Variants in ZFPM2 observed in about 807,000 individuals in gnomAD.
The protein encoded by ZFPM2 is zinc finger protein ZFPM2.
ZFPM2 carries 20 observed loss-of-function variants against 98.6 expected under a neutral mutation model. The ratio of observed to expected loss-of-function variants is 0.20; its 90% CI spans 0.14 to 0.29. The LOEUF is 0.29. ZFPM2 is among the 10% of genes least tolerant of loss of function. ZFPM2 has a pLI of 1.00. For missense variants in ZFPM2, 1,310 were observed against 1,388.6 expected, an observed-to-expected ratio of 0.94 and a Z score of 0.90; for synonymous variants, 518 against 502.7, an observed-to-expected ratio of 1.03 and a Z score of -0.41.
intron 1 of ZFPM2, among the ~76,000 whole-genome samples, chr8:105,365,866 C>T (rs1192725267): frequency 6.6e-6 from 1 of 152,120 alleles, no homozygotes; most frequent in Non-Finnish European, 1.5e-5. Context: ...TTCTAGGGAA[C>T]AACTTTATTT....
chr8:105,756,478 C>G (rs1245096987), intron 5 of ZFPM2, among the ~76,000 whole-genome samples: 1 of 152,148 alleles, frequency 6.6e-6, no homozygotes, highest in Non-Finnish European at 1.5e-5. Context: ...TCAAGGCTTT[C>G]AAGCATCCTG....
chr8:105,467,777 AAG>A (rs1265248464), intron 3 of ZFPM2, among the ~76,000 whole-genome samples: 1 of 151,958 alleles, frequency 6.6e-6, no homozygotes, highest in Non-Finnish European at 1.5e-5. Context: ...CATAATAAAA[AAG>A]AGTGTTCCTA....
intron 3 of ZFPM2, among the ~76,000 whole-genome samples, chr8:105,471,688 T>C (rs1328042046): frequency 1.3e-5 from 2 of 152,200 alleles, no homozygotes; most frequent in African/African-American, 4.8e-5. Context: ...TTACATCCTC[T>C]CCAAATCCAA....
chr8:105,705,689 A>G (rs1310613788), intron 5 of ZFPM2, among the ~76,000 whole-genome samples: 1 of 152,182 alleles, frequency 6.6e-6, no homozygotes, highest in East Asian at 1.9e-4. Flanking sequence ...TCCCAGAGCC[A>G]CACAGACTGC....
chr8:105,537,033 C>G (rs1814467302), intron 3 of ZFPM2, among the ~76,000 whole-genome samples: 1 of 152,124 alleles, frequency 6.6e-6, no homozygotes, highest in Non-Finnish European at 1.5e-5. Context: ...AGTTGCTAGT[C>G]TCCTTGCTAA....
intron 1 of ZFPM2, among the ~76,000 whole-genome samples, chr8:105,338,991 C>T (rs1041541851): frequency 6.6e-6 from 1 of 151,784 alleles, no homozygotes; most frequent in Non-Finnish European, 1.5e-5. Flanking sequence ...GCATATCTCT[C>T]AGGACTGGGG....
chr8:105,409,313 T>A (rs1811529087), intron 1 of ZFPM2, among the ~76,000 whole-genome samples: 1 of 151,938 alleles, frequency 6.6e-6, no homozygotes, highest in Non-Finnish European at 1.5e-5. Flanking sequence ...TAAAACAACA[T>A]CCTGGTCAAT....
chr8:105,486,591 A>G lies in ZFPM2; in HGVS notation c.301+42210A>G, dbSNP rs551134224. Among the ~76,000 whole-genome samples the G allele has an allele frequency of 2.6e-5, 4 of 152,334 alleles. No homozygotes were observed. The East Asian group carries it at 7.7e-4, about 29-fold the overall frequency. ...TAGACTCACTTCGGGATCCTTTGCT[A>G]TCAACACCAAACTGTGCGGGAAAAG... On this transcript the variant is annotated intron_variant, in intron 3 of 7. Transcript: ENST00000407775.
intron 3 of ZFPM2, among the ~76,000 whole-genome samples, chr8:105,512,628 A>G (rs1323782889): frequency 6.6e-6 from 1 of 152,206 alleles, no homozygotes; most frequent in Non-Finnish European, 1.5e-5. Context: ...TAAAGGGTGA[A>G]TGTATCTCAA....
chr8:105,347,873 A>C (rs928567133), intron 1 of ZFPM2, among the ~76,000 whole-genome samples: 8 of 152,250 alleles, frequency 5.3e-5, no homozygotes, highest in South Asian at 2.1e-4. Context: ...ATAATAACAA[A>C]GAAAACAAAA....
At chr8:105,662,331 G>A (rs1025729085) in intron 5 of ZFPM2, 3 of 152,114 alleles carry the variant, frequency 2.0e-5, no homozygotes, top group Non-Finnish European at 4.4e-5. Flanking sequence ...TAATGTGGCA[G>A]GAGTGGGTGG....
chr8:105,802,628 G>C lies in ZFPM2; in HGVS notation c.2546G>C (p.Arg849Thr), dbSNP rs773311918. 1 of 1,610,974 alleles carries C rather than the reference G, an allele frequency of 6.2e-7. No individual in the cohort carries two copies. The highest frequency in any genetic ancestry group is 1.3e-5 in the African/African-American group (1 of 74,986). ...QSERTTTSPK[R>T]LLDYHECTVC... is the part of the protein sequence containing the mutation. ...GAGCGGACGACCACGTCTCCCAAAA[G>C]GCTGCTGGACTATCACGAGTGCACT... The change falls in exon 8 of 8, where the codon AGG becomes ACG. Residue 849 changes from arginine to threonine, a missense_variant. Transcript: ENST00000407775.
At chr8:105,608,832 T>C (rs1440222238) in intron 4 of ZFPM2, among the ~76,000 whole-genome samples, 1 of 151,978 alleles carries the variant, frequency 6.6e-6, no homozygotes, top group Non-Finnish European at 1.5e-5. Flanking sequence ...CTTTGCAAAA[T>C]TCAGCATGAA....
At chr8:105,610,533 A>G (rs565465047) in intron 4 of ZFPM2, among the ~76,000 whole-genome samples, 3 of 152,270 alleles carry the variant, frequency 2.0e-5, no homozygotes, top group South Asian at 2.1e-4. Flanking sequence ...CTAGCTAACA[A>G]TGCTAGAGGA....
chr8:105,503,607 AG>A lies in ZFPM2; in HGVS notation c.302-57753del, dbSNP rs1428516636. Among the ~76,000 whole-genome samples, 3 of 152,338 alleles carry A rather than the reference AG, an allele frequency of 2.0e-5. No individual in the cohort carries two copies. The East Asian group carries it at 5.8e-4, about 29-fold the overall frequency. ...TGAGCCACACTTGATATCTGTGAGC[AG>A]GGTTATGTGATATTATTAATGAACT... On this transcript the variant is annotated intron_variant, in intron 3 of 7. Coordinates refer to ENST00000407775, the MANE Select transcript of ZFPM2 (RefSeq NM_012082.4).
rs1415692189 is a variant in ZFPM2 at position 105,551,010 on chromosome 8, C to G, written c.302-10353C>G. On this transcript the variant is annotated intron_variant, in intron 3 of 7. Transcript: ENST00000407775. ...AGGAAATGGCTGCAGCATTCTTCAG[C>G]TTTAAAAAGGATACTTTTGGAGGTA... 6.6e-5 allele frequency among the ~76,000 whole-genome samples: 10 copies of G among 152,162 alleles called. No individual in the cohort carries two copies. The East Asian group carries it at 1.9e-3, about 29-fold the overall frequency.
Position 105,586,837 on chromosome 8 carries a change from A to G in ZFPM2, c.420+25356A>G, listed in dbSNP as rs1055852552. 2.3e-4 allele frequency among the ~76,000 whole-genome samples: 33 copies of G among 141,798 alleles called. 1 individual carries two copies. The highest frequency in any genetic ancestry group is 1.5e-4 in the African/African-American group (6 of 39,314). The allele number at this position is 141,798 out of a possible 152,430, so 93.0% of individuals were successfully genotyped here. A position where few individuals can be genotyped will look rare whatever the true frequency, so the allele number is the denominator to read the frequency against. ...TATATATGTATGTGTGCATATTTATATATAAATATTTTATATATATATATA... is the reference window on the plus strand; with the variant it reads ...TATATATGTATGTGTGCATATTTATGTATAAATATTTTATATATATATATA... On this transcript the variant is annotated intron_variant, in intron 4 of 7. Coordinates refer to ENST00000407775, the MANE Select transcript of ZFPM2 (RefSeq NM_012082.4).
intron 5 of ZFPM2, chr8:105,662,355 A>G (rs368077851): frequency 6.6e-6 from 1 of 152,116 alleles, no homozygotes; most frequent in Non-Finnish European, 1.5e-5. Flanking sequence ...GGGAGCTGCT[A>G]TTACACAAAC....
chr8:105,623,667 C>T (rs1433496605), intron 4 of ZFPM2, among the ~76,000 whole-genome samples: 5 of 152,038 alleles, frequency 3.3e-5, no homozygotes, highest in Admixed American at 3.3e-4. Flanking sequence ...TGACTTTGTG[C>T]AGGGTAGTGT....
Sources: allele counts gnomAD v4.1 joint callset (sites outside exome capture counted in the v4.1 genomes callset), GRCh38; gene constraint gnomAD v4.1.1; transcripts MANE v1.5; gene names NCBI Gene and HGNC (gene_info 2026-07-23, HGNC 2026-07-21).